Variants in SLC25A26 observed in about 807,000 individuals in gnomAD.
SLC25A26 encodes the protein solute carrier family 25 member 26.
In SLC25A26, 36 loss-of-function variants were observed where a neutral mutation model predicts 37.8. The observed-to-expected ratio is 0.95, with a 90% CI of 0.73 to 1.26. The LOEUF is 1.26. Among genes scored for constraint, SLC25A26 ranks in the 50% most tolerant of loss-of-function variants. The pLI is 0.00. For missense variants in SLC25A26, 390 were observed against 331.1 expected, an observed-to-expected ratio of 1.18 and a Z score of -1.38; for synonymous variants, 129 against 122.5, an observed-to-expected ratio of 1.05 and a Z score of -0.35.
In SLC25A26 at chr3:66,263,265, G is replaced by C; in HGVS notation, c.406-67G>C. ...TCAAACAAGAGCAGGTAGATCTGCT[G>C]TATACAGAATGTCCTTCAGAAATCT... On this transcript the variant is annotated intron_variant, in intron 4 of 9. Coordinates refer to ENST00000354883, the MANE Select transcript of SLC25A26 (RefSeq NM_001379210.1). 9.7e-6 allele frequency: 11 copies of C among 1,130,792 alleles called. No homozygotes were observed. The South Asian group carries it at 1.4e-4, about 15-fold the overall frequency. The allele number at this position is 1,130,792 out of a possible 1,614,324, so 70.0% of individuals were successfully genotyped here. A position where few individuals can be genotyped will look rare whatever the true frequency, so the allele number is the denominator to read the frequency against.
At chr3:66,281,524 T>C (rs1443084989) in intron 5 of SLC25A26, among the ~76,000 whole-genome samples, 1 of 152,156 alleles carries the variant, frequency 6.6e-6, no homozygotes, top group Non-Finnish European at 1.5e-5. Context: ...TTTCCTCCCT[T>C]GCCCTCCAGA....
chr3:66,302,107 C>T (rs1021159405), intron 5 of SLC25A26, among the ~76,000 whole-genome samples: 4 of 152,226 alleles, frequency 2.6e-5, no homozygotes, highest in Non-Finnish European at 5.9e-5. Flanking sequence ...CAAGGCCTAT[C>T]ACTTAGCTTT....
chr3:66,184,622 C>CTATGTATTACATG (rs2070790011), intron 1 of SLC25A26, among the ~76,000 whole-genome samples: 9 of 152,196 alleles, frequency 5.9e-5, no homozygotes, highest in East Asian at 1.9e-4. Context: ...ACATGCTCAA[C>CTATGTATTACATG]CAAATCCTCA....
At chr3:66,156,686 C>T (rs2070287133) in intron 1 of SLC25A26, among the ~76,000 whole-genome samples, 1 of 152,080 alleles carries the variant, frequency 6.6e-6, no homozygotes, top group Non-Finnish European at 1.5e-5. Flanking sequence ...GCTCTGGGGC[C>T]ACCCTTTGTA....
At chr3:66,209,792 T>C (rs1458975854) in intron 1 of SLC25A26, among the ~76,000 whole-genome samples, 9 of 134,610 alleles carry the variant, frequency 6.7e-5, no homozygotes, top group South Asian at 2.3e-4. Context: ...TATATATATA[T>C]ACACACCTAT....
intron 5 of SLC25A26, among the ~76,000 whole-genome samples, chr3:66,310,051 C>G (rs974534344): frequency 6.6e-6 from 1 of 152,096 alleles, no homozygotes; most frequent in Non-Finnish European, 1.5e-5. Context: ...TCCTGAATAT[C>G]CTTGTTAATT....
At chr3:66,205,890 G>A (rs946696728) in intron 1 of SLC25A26, among the ~76,000 whole-genome samples, 3 of 152,086 alleles carry the variant, frequency 2.0e-5, no homozygotes, top group Non-Finnish European at 2.9e-5. Context: ...GCTTCTGCAG[G>A]GAGAAAATCC....
chr3:66,134,423 T>A (rs1002617632), intron 1 of SLC25A26, among the ~76,000 whole-genome samples: 2 of 152,212 alleles, frequency 1.3e-5, no homozygotes, highest in Non-Finnish European at 2.9e-5. Flanking sequence ...GTTGTGTGTT[T>A]GTCACAGAGA....
intron 1 of SLC25A26, among the ~76,000 whole-genome samples, chr3:66,168,200 T>TATATATAC (rs1553649663): frequency 8.7e-6 from 1 of 115,484 alleles, no homozygotes; most frequent in Non-Finnish European, 1.8e-5. Context: ...TATATATATA[T>TATATATAC]ACACACACAC....
intron 8 of SLC25A26, 122 bp from the exon 9 acceptor site, chr3:66,370,407 G>A: frequency 2.4e-6 from 2 of 822,660 alleles, no homozygotes; most frequent in Non-Finnish European, 4.1e-6. Flanking sequence ...AAACTCCCTG[G>A]TATCTGACAC....
intron 3 of SLC25A26, among the ~76,000 whole-genome samples, chr3:66,261,184 G>A (rs961448359): frequency 6.6e-6 from 1 of 152,176 alleles, no homozygotes; most frequent in Non-Finnish European, 1.5e-5. Context: ...TGCAGAAAAA[G>A]TTTGTATATT....
At chr3:66,152,786 T>A (rs1450766064) in intron 1 of SLC25A26, among the ~76,000 whole-genome samples, 2 of 152,200 alleles carry the variant, frequency 1.3e-5, no homozygotes, top group Non-Finnish European at 2.9e-5. Context: ...GTCCTGATGG[T>A]ACACAGGTGC....
rs1576639297 is a variant in SLC25A26, at chr3:66,209,019, TATACAC to T, written c.-353-11721_-353-11716del. On this transcript the variant is annotated intron_variant, in intron 1 of 10. Transcript: ENST00000676754. ...GTACCCATATAAAGGTATATATATA[TATACAC>T]ACCCATATAAAGGTGTATATATATA... 1.1e-3 allele frequency among the ~76,000 whole-genome samples: 133 copies of T among 119,266 alleles called. 1 individual carries two copies. Among genetic ancestry groups the T allele is most frequent in the African/African-American group, 3.8e-3 (128 of 33,408 alleles). The allele number at this position is 119,266 out of a possible 152,430, so 78.2% of individuals were successfully genotyped here. A position where few individuals can be genotyped will look rare whatever the true frequency, so the allele number is the denominator to read the frequency against.
intron 5 of SLC25A26, among the ~76,000 whole-genome samples, chr3:66,337,827 T>C (rs2076124553): frequency 6.6e-6 from 1 of 152,066 alleles, no homozygotes; most frequent in Admixed American, 6.5e-5. Context: ...AAGCTATCAA[T>C]ATTCTGCCAT....
chr3:66,353,459 C>T (rs1285228981), intron 6 of SLC25A26, among the ~76,000 whole-genome samples: 3 of 152,180 alleles, frequency 2.0e-5, no homozygotes, highest in African/African-American at 4.8e-5. Context: ...AGGATTTGAA[C>T]TCAGGTTCAG....
At chr3:66,240,573 G>A (rs915804077) in intron 2 of SLC25A26, among the ~76,000 whole-genome samples, 3 of 152,090 alleles carry the variant, frequency 2.0e-5, no homozygotes, top group African/African-American at 7.2e-5. Context: ...CACTGTGCCT[G>A]GCCCATCTTT....
chr3:66,273,619 A>G (rs1250553897), intron 5 of SLC25A26, among the ~76,000 whole-genome samples: 1 of 152,082 alleles, frequency 6.6e-6, no homozygotes, highest in Non-Finnish European at 1.5e-5. Flanking sequence ...ATAGACAGAG[A>G]GCCAAATCAT....
intron 5 of SLC25A26, among the ~76,000 whole-genome samples, chr3:66,285,219 T>TA (rs61687792): frequency 6.6e-6 from 1 of 152,130 alleles, no homozygotes; most frequent in African/African-American, 2.4e-5. Context: ...ATGAGGTATA[T>TA]AAAAATACTT....
chr3:66,325,817 T>C (rs1210762090), intron 5 of SLC25A26, among the ~76,000 whole-genome samples: 1 of 152,180 alleles, frequency 6.6e-6, no homozygotes, highest in African/African-American at 2.4e-5. Flanking sequence ...AGAAAATCAC[T>C]GAAGGTTTTA....
Sources: gnomAD v4.1 joint callset for allele counts (sites outside exome capture counted in the v4.1 genomes callset) on GRCh38, gnomAD v4.1.1 for gene constraint, MANE v1.5 for transcripts, NCBI Gene and HGNC (gene_info 2026-07-23, HGNC 2026-07-21) for gene names.